INSL6: variants seen among roughly 807,000 people sequenced by gnomAD.
INSL6 encodes the protein insulin like 6.
Under a neutral mutation model 9.4 loss-of-function variants are expected in INSL6, and 16 were observed. The ratio of observed to expected loss-of-function variants is 1.70; its 90% CI spans 1.15 to 2.59. The LOEUF (loss-of-function observed/expected upper bound fraction) is 2.59, where lower values mean the gene tolerates loss of function less well. INSL6 is among the 30% of genes most tolerant of loss of function. The probability of loss-of-function intolerance (pLI) is 0.00; values close to 1 mark genes in which losing one functional copy is unlikely to be tolerated. For missense variants in INSL6, 391 were observed against 257.3 expected, an observed-to-expected ratio of 1.52 and a Z score of -3.56; for synonymous variants, 154 against 96.9, an observed-to-expected ratio of 1.59 and a Z score of -3.46.
At position 5,174,887 on chromosome 9, in the gene INSL6, C is replaced by T. The variant is rs146174636; in HGVS notation, c.289+10427G>A. ...CCTATCTCATTTATGACAATCCCAT[C>T]CTTCTAGGTGTTCCACATACAAAAC... On this transcript the variant is annotated intron_variant, in intron 1 of 1. Transcript: ENST00000381641. Among the ~76,000 whole-genome samples, 195 of 152,292 alleles carry T rather than the reference C, an allele frequency of 1.3e-3. 1 individual carries two copies. The highest frequency in any genetic ancestry group is 3.4e-3 in the Middle Eastern group (1 of 294).
chr9:5,016,915 A>T, the INSL6 span, among the ~76,000 whole-genome samples: 1 of 152,258 alleles, frequency 6.6e-6, no homozygotes, highest in Non-Finnish European at 1.5e-5. Context: ...TTGACGGCAT[A>T]GTAGCTGAGA....
chr9:5,077,781 A>T, the INSL6 span, among the ~76,000 whole-genome samples: 2 of 152,228 alleles, frequency 1.3e-5, no homozygotes, highest in Non-Finnish European at 2.9e-5. Context: ...AAGTTTTGTC[A>T]TCCCATCAAT....
the INSL6 span, among the ~76,000 whole-genome samples, chr9:5,074,112 C>T: frequency 1.3e-5 from 2 of 152,030 alleles, no homozygotes; most frequent in Non-Finnish European, 2.9e-5. Flanking sequence ...CTTTTCAGTA[C>T]AAACTTATCT....
chr9:5,022,604 A>G, the INSL6 span, among the ~76,000 whole-genome samples: 1 of 152,238 alleles, frequency 6.6e-6, no homozygotes, highest in Non-Finnish European at 1.5e-5. Flanking sequence ...ATGGCTGACA[A>G]ACCATCATTT....
the INSL6 span, among the ~76,000 whole-genome samples, chr9:5,093,261 C>T: frequency 6.6e-6 from 1 of 152,130 alleles, no homozygotes; most frequent in South Asian, 2.1e-4. Flanking sequence ...AAAAGGAACT[C>T]GGCAAATCTT....
At chr9:5,090,974 T>C in the INSL6 span, 1 of 1,151,352 alleles carries the variant, frequency 8.7e-7, no homozygotes. Flanking sequence ...TTATTGTTGT[T>C]ATTTAATAGT....
At chr9:5,036,497 C>G in the INSL6 span, among the ~76,000 whole-genome samples, 1 of 152,160 alleles carries the variant, frequency 6.6e-6, no homozygotes, top group Non-Finnish European at 1.5e-5. Context: ...CTACAGTAAC[C>G]AAAACAGCAT....
intron 1 of INSL6, among the ~76,000 whole-genome samples, chr9:5,179,520 TTC>T (rs1341406324): frequency 1.3e-5 from 2 of 152,292 alleles, no homozygotes; most frequent in Admixed American, 6.5e-5. Context: ...ATGTAAATCA[TTC>T]TGTTATAAAG....
chr9:5,041,151 C>G, the INSL6 span: 3 of 1,129,362 alleles, frequency 2.7e-6, no homozygotes, highest in Non-Finnish European at 3.9e-6. Flanking sequence ...CGGCTGATCA[C>G]GCGCATGGAT....
the INSL6 span, chr9:5,085,629 C>G: frequency 2.8e-6 from 2 of 711,696 alleles, no homozygotes; most frequent in Non-Finnish European, 5.2e-6. Context: ...CAAGGACAGC[C>G]TTCTTTTCAC....
At chr9:5,084,340 T>C in the INSL6 span, among the ~76,000 whole-genome samples, 7 of 152,170 alleles carry the variant, frequency 4.6e-5, no homozygotes, top group East Asian at 1.3e-3. Context: ...TGTCTAGATA[T>C]TTGTACTGCC....
downstream of INSL6, among the ~76,000 whole-genome samples, chr9:5,119,092 T>A (rs1321916190): frequency 1.3e-5 from 2 of 152,206 alleles, no homozygotes; most frequent in Non-Finnish European, 2.9e-5. Flanking sequence ...ATATATGATT[T>A]AAACACAGCA....
the INSL6 span, among the ~76,000 whole-genome samples, chr9:5,000,254 A>G: frequency 2.1e-4 from 32 of 152,222 alleles, no homozygotes; most frequent in African/African-American, 7.0e-4. Flanking sequence ...GGGGTTTAGA[A>G]AGGAGGTACA....
intron 3 of INSL6, among the ~76,000 whole-genome samples, chr9:5,132,353 A>G (rs770645762): frequency 6.6e-6 from 1 of 152,186 alleles, no homozygotes; most frequent in Non-Finnish European, 1.5e-5. Flanking sequence ...TTCACATTTA[A>G]TGGGAATTTT....
At chr9:5,113,421 A>AT in the INSL6 span, 1,133 of 103,408 alleles carry the variant, frequency 0.011, 37 homozygotes, top group Non-Finnish European at 0.015. Context: ...AACATTAGTT[A>AT]TTTAAAAAAA....
At chr9:5,026,363 T>C in the INSL6 span, among the ~76,000 whole-genome samples, 1 of 152,218 alleles carries the variant, frequency 6.6e-6, no homozygotes, top group Admixed American at 6.5e-5. Flanking sequence ...GCAAGTATAC[T>C]GTTTAAAAGT....
the INSL6 span, among the ~76,000 whole-genome samples, chr9:5,007,248 T>C: frequency 4.7e-3 from 711 of 152,310 alleles, 5 homozygotes; most frequent in African/African-American, 0.016. Flanking sequence ...TTTAAGATTA[T>C]GAATATCTTA....
chr9:5,085,444 T>C, the INSL6 span: 5 of 740,236 alleles, frequency 6.8e-6, no homozygotes, highest in African/African-American at 8.6e-5. Flanking sequence ...CGCAGTATTC[T>C]TGAAGGTCTT....
At chr9:5,010,265 T>G in the INSL6 span, among the ~76,000 whole-genome samples, 1 of 152,302 alleles carries the variant, frequency 6.6e-6, no homozygotes, top group South Asian at 2.1e-4. Context: ...CTGTTTTACT[T>G]TTATATCTAT....
Sources: gnomAD v4.1 joint callset for allele counts (sites outside exome capture counted in the v4.1 genomes callset) on GRCh38, gnomAD v4.1.1 for gene constraint, MANE v1.5 for transcripts, NCBI Gene and HGNC (gene_info 2026-07-23, HGNC 2026-07-21) for gene names.